SPRY4: variants seen among roughly 807,000 people sequenced by gnomAD.
SPRY4 encodes the protein protein sprouty homolog 4.
A neutral mutation model predicts 17.0 loss-of-function variants in SPRY4; 7 were observed. That is an observed-to-expected ratio of 0.41 (90% CI 0.23 to 0.77). The LOEUF is 0.77. SPRY4 is among the 30% of genes least tolerant of loss of function. The probability of loss-of-function intolerance (pLI) is 0.32; values close to 1 mark genes in which losing one functional copy is unlikely to be tolerated. For synonymous variants in SPRY4, 183 were observed against 174.1 expected (o/e 1.05, Z -0.40); for missense variants, 435 against 419.9 (o/e 1.04, Z -0.31).
intron 1 of SPRY4, among the ~76,000 whole-genome samples, chr5:142,315,971 G>A (rs1484448059): frequency 6.6e-6 from 1 of 152,136 alleles, no homozygotes; most frequent in African/African-American, 2.4e-5. Context: ...ATTCACAAGA[G>A]AAGGGCTGTA....
intron 1 of SPRY4, among the ~76,000 whole-genome samples, chr5:142,318,352 G>A (rs62383564): frequency 0.011 from 1,634 of 152,040 alleles, 12 homozygotes; most frequent in Middle Eastern, 0.034. Flanking sequence ...CAGGCATGGT[G>A]GCAGGTGCCT....
In SPRY4 at chr5:142,313,170, G is replaced by A. The variant is rs1049437091; in HGVS notation, c.*1039C>T. On this transcript the variant is annotated 3_prime_UTR_variant, in exon 2 of 2. Coordinates refer to ENST00000434127, the MANE Select transcript of SPRY4 (RefSeq NM_001127496.3). ...TAGGGAGGGAAATTGTGTTCCTTGA[G>A]GTTGCTCGCCCCCAGATTTTGAAAT... 6.6e-6 allele frequency: 1 copy of A among 152,564 alleles called. No homozygotes were observed. The highest frequency in any genetic ancestry group is 1.5e-5 in the Non-Finnish European group (1 of 68,032). The allele number at this position is 152,564 out of a possible 1,614,324, so 9.5% of individuals were successfully genotyped here.
At chr5:142,316,542 G>T (rs1404776197) in intron 1 of SPRY4, among the ~76,000 whole-genome samples, 1 of 152,076 alleles carries the variant, frequency 6.6e-6, no homozygotes, top group African/African-American at 2.4e-5. Flanking sequence ...AAAAGAGAAA[G>T]ATAAGTCTTT....
At chr5:142,317,922 G>A (rs912538475) in intron 1 of SPRY4, 90 of 985,238 alleles carry the variant, frequency 9.1e-5, no homozygotes, top group Non-Finnish European at 1.0e-4. Flanking sequence ...CTCTGGGGAC[G>A]ATGCAGCATC....
chr5:142,317,051 CAG>C (rs1759177510), intron 1 of SPRY4: 1 of 985,450 alleles, frequency 1.0e-6, no homozygotes, highest in Middle Eastern at 5.2e-4. Context: ...TTCCTTGTGG[CAG>C]AGTTTACCTT....
rs1725862993 is a variant in SPRY4 at position 142,317,473 on chromosome 5, A to G, written c.-47-2318T>C. ...CTTGTTCCAGAAACCGATGTCAGGA[A>G]TATTCAGGGTCCTGCCAACACAATG... On this transcript the variant is annotated intron_variant, in intron 1 of 1. Coordinates refer to ENST00000434127, the MANE Select transcript of SPRY4 (RefSeq NM_001127496.3). 8.1e-6 allele frequency: 8 copies of G among 985,384 alleles called. No individual in the cohort carries two copies. In the Middle Eastern group the frequency reaches 1.6e-3, roughly 193 times the overall value. 61.0% of individuals were successfully genotyped at this position (985,384 alleles called of 1,614,324 possible).
rs1759479093 is a variant in SPRY4 at position 142,324,885 on chromosome 5, G to A, written c.-89C>T. On this transcript the variant is annotated 5_prime_UTR_variant, in exon 1 of 2. Transcript: ENST00000434127. The stretch of plus-strand genomic sequence containing the variant: ...GTCACAAGCATCGCCCCACGTCTGT[G>A]TAAATCCTGAAGCCGGGGCAGGTTA... The A allele has an allele frequency of 6.5e-6, 1 of 152,756 alleles. No individual in the cohort carries two copies. The highest frequency in any genetic ancestry group is 2.4e-5 in the African/African-American group (1 of 41,482). 9.5% of individuals were successfully genotyped at this position (152,756 alleles called of 1,614,324 possible).
At position 142,319,773 on chromosome 5, in the gene SPRY4, C is replaced by T. The variant is rs200241261; in HGVS notation, c.-47-4618G>A. ...GGGGAGGGGGCTGAGCATCAGGCTG[C>T]AAACCGCTCAATACAGGCTGGCTGA... On this transcript the variant is annotated intron_variant, in intron 1 of 1. Coordinates refer to ENST00000434127, the MANE Select transcript of SPRY4 (RefSeq NM_001127496.3). The T allele has an allele frequency of 1.2e-3, 1,890 of 1,612,096 alleles. 6 individuals carry two copies. Among genetic ancestry groups the T allele is most frequent in the Non-Finnish European group, 1.5e-3 (1,779 of 1,179,582 alleles).
chr5:142,324,331 A>C (rs972060854), intron 1 of SPRY4: 1 of 152,288 alleles, frequency 6.6e-6, no homozygotes, highest in Non-Finnish European at 1.5e-5. Context: ...CCGAAGAGAA[A>C]GAAAAAATCT....
chr5:142,320,598 G>C (rs1759314135), intron 1 of SPRY4, among the ~76,000 whole-genome samples: 1 of 152,112 alleles, frequency 6.6e-6, no homozygotes, highest in Non-Finnish European at 1.5e-5. Context: ...TTAATTGTCT[G>C]CTCAGATTCC....
chr5:142,323,366 C>T (rs1759415526), intron 1 of SPRY4, among the ~76,000 whole-genome samples: 1 of 152,314 alleles, frequency 6.6e-6, no homozygotes, highest in East Asian at 1.9e-4. Flanking sequence ...GAGAATCACG[C>T]CACTGATTTG....
chr5:142,318,161 A>T, intron 1 of SPRY4: 1 of 984,424 alleles, frequency 1.0e-6, no homozygotes, highest in Non-Finnish European at 1.2e-6. Flanking sequence ...CAGCTAAATG[A>T]TGTCTCAAAA....
At chr5:142,322,515 A>T (rs1759381612) in intron 1 of SPRY4, among the ~76,000 whole-genome samples, 1 of 150,996 alleles carries the variant, frequency 6.6e-6, no homozygotes, top group Non-Finnish European at 1.5e-5. Context: ...TGAAAACGAC[A>T]TCCGTAAGCT....
In SPRY4 at chr5:142,313,327, T is replaced by C. The variant is rs1210956946; in HGVS notation, c.*882A>G. ...TCCAGAGACCACAGCCTCAGACTCATTGGCAAAATGATATTTGGTCTCGCA... is the reference window on the plus strand; with the variant it reads ...TCCAGAGACCACAGCCTCAGACTCACTGGCAAAATGATATTTGGTCTCGCA... On this transcript the variant is annotated 3_prime_UTR_variant, in exon 2 of 2. Transcript: ENST00000434127. 6.6e-6 allele frequency: 1 copy of C among 152,618 alleles called. No homozygotes were observed. The highest frequency in any genetic ancestry group is 2.1e-4 in the South Asian group (1 of 4,822). The allele number at this position is 152,618 out of a possible 1,614,324, so 9.5% of individuals were successfully genotyped here. A position where few individuals can be genotyped will look rare whatever the true frequency, so the allele number is the denominator to read the frequency against.
chr5:142,319,820 A>C (rs1426867047), intron 1 of SPRY4: 2 of 1,598,990 alleles, frequency 1.3e-6, no homozygotes, highest in Non-Finnish European at 1.7e-6. Context: ...AGGCATGTTA[A>C]ATGTCCGCAC....
intron 1 of SPRY4, chr5:142,324,197 A>T (rs1001942744): frequency 2.6e-5 from 4 of 152,356 alleles, no homozygotes; most frequent in Admixed American, 2.0e-4. Context: ...GCAGCGGAGC[A>T]AAGGTCAGAC....
intron 1 of SPRY4, among the ~76,000 whole-genome samples, chr5:142,316,852 A>G (rs546607736): frequency 2.0e-5 from 3 of 152,358 alleles, no homozygotes; most frequent in Non-Finnish European, 2.9e-5. Flanking sequence ...TGCTCAGTCA[A>G]CTGATATTTC....
In SPRY4 at chr5:142,311,305, C is replaced by T. The variant is rs1311225458; in HGVS notation, c.*2904G>A. Reference sequence around the variant, plus strand: ...GCAGCCAGAGCCCCCTAGAAGCGTCCTGGATCCCAGGTGCCCCTCGAGTTA... The same window carrying T: ...GCAGCCAGAGCCCCCTAGAAGCGTCTTGGATCCCAGGTGCCCCTCGAGTTA... On this transcript the variant is annotated 3_prime_UTR_variant, in exon 2 of 2. Transcript: ENST00000434127. The T allele has an allele frequency of 6.6e-6, 1 of 152,252 alleles. No homozygotes were observed. The highest frequency in any genetic ancestry group is 1.5e-5 in the Non-Finnish European group (1 of 68,070). The allele number at this position is 152,252 out of a possible 1,614,324, so 9.4% of individuals were successfully genotyped here. A position where few individuals can be genotyped will look rare whatever the true frequency, so the allele number is the denominator to read the frequency against.
At chr5:142,320,368 C>T (rs1759305763) in intron 1 of SPRY4, among the ~76,000 whole-genome samples, 2 of 151,970 alleles carry the variant, frequency 1.3e-5, no homozygotes, top group South Asian at 2.1e-4. Context: ...AAGAAGCTCA[C>T]CTCTGGCCAC....
Sources: allele counts gnomAD v4.1 joint callset (sites outside exome capture counted in the v4.1 genomes callset), GRCh38; gene constraint gnomAD v4.1.1; transcripts MANE v1.5; gene names NCBI Gene and HGNC (gene_info 2026-07-23, HGNC 2026-07-21).